Variants in MDFIC observed in about 807,000 individuals in gnomAD.
MDFIC encodes myoD family inhibitor domain-containing protein.
Under a neutral mutation model 23.2 loss-of-function variants are expected in MDFIC, and 17 were observed. The ratio of observed to expected loss-of-function variants is 0.73; its 90% confidence interval spans 0.50 to 1.10. The LOEUF is 1.10. Ranked by LOEUF, MDFIC falls within the 50% of genes least tolerant of loss-of-function variation. The pLI is 0.00. For synonymous variants in MDFIC, 120 were observed against 115.2 expected (o/e 1.04, Z -0.27); for missense variants, 356 against 316.6 (o/e 1.12, Z -0.95).
In MDFIC at chr7:114,941,573, AT is replaced by A. The variant is rs538343972; in HGVS notation, c.95-696del. 5.1e-3 allele frequency among the ~76,000 whole-genome samples: 780 copies of A among 152,166 alleles called. 9 individuals carry two copies. Among genetic ancestry groups the A allele is most frequent in the African/African-American group, 0.018 (759 of 41,504 alleles). On this transcript the variant is annotated intron_variant, in intron 2 of 4. Transcript: ENST00000393486. Reference sequence around the variant, plus strand: ...TCTTGATCTCTGAATCCTGATGAGTATTTTTTCTTCCTTTGAACCTTTTTAG... The same window carrying A: ...TCTTGATCTCTGAATCCTGATGAGTATTTTTCTTCCTTTGAACCTTTTTAG...
chr7:115,006,573 T>C (rs931948316), intron 4 of MDFIC, among the ~76,000 whole-genome samples: 1 of 152,274 alleles, frequency 6.6e-6, no homozygotes, highest in East Asian at 1.9e-4. Context: ...CAAGGACAAA[T>C]GAAAAGAGAT....
At chr7:114,935,352 T>C (rs868355764) in intron 2 of MDFIC, among the ~76,000 whole-genome samples, 4 of 152,070 alleles carry the variant, frequency 2.6e-5, no homozygotes, top group African/African-American at 7.2e-5. Context: ...CATGCAAAAG[T>C]CTCAAAATTT....
At chr7:114,943,676 C>T (rs1171709948) in intron 3 of MDFIC, among the ~76,000 whole-genome samples, 2 of 152,156 alleles carry the variant, frequency 1.3e-5, no homozygotes. Flanking sequence ...ATTGACTCTG[C>T]TATTGTGAAA....
At chr7:114,931,965 G>A (rs1363206485) in intron 2 of MDFIC, among the ~76,000 whole-genome samples, 1 of 152,156 alleles carries the variant, frequency 6.6e-6, no homozygotes, top group Non-Finnish European at 1.5e-5. Flanking sequence ...TCTTTTTCAA[G>A]GTGAATCCGC....
intron 4 of MDFIC, among the ~76,000 whole-genome samples, chr7:114,990,711 G>T (rs950559338): frequency 6.6e-6 from 1 of 152,146 alleles, no homozygotes; most frequent in Non-Finnish European, 1.5e-5. Context: ...GTATTCCATG[G>T]TGTATATGTG....
chr7:114,923,237 C>A, intron 2 of MDFIC, 110 bp downstream of exon 2: 1 of 1,391,568 alleles, frequency 7.2e-7, no homozygotes, highest in Non-Finnish European at 9.8e-7. Flanking sequence ...GGGGCTCCCA[C>A]TCGTAGTTGA....
rs1791808796 is a variant in MDFIC at position 115,016,915 on chromosome 7, A to G, written c.*980A>G. 6.6e-6 allele frequency: 1 copy of G among 152,352 alleles called. No homozygotes were observed. The highest frequency in any genetic ancestry group is 1.9e-4 in the East Asian group (1 of 5,174). The allele number at this position is 152,352 out of a possible 1,614,324, so 9.4% of individuals were successfully genotyped here. On this transcript the variant is annotated 3_prime_UTR_variant, in exon 5 of 5. Transcript: ENST00000393486. Reference sequence around the variant, plus strand: ...AGATCTGTAAAGAATGAACCATACCACAAGGCATACTGAAGTGAGGATTAT... The same window carrying G: ...AGATCTGTAAAGAATGAACCATACCGCAAGGCATACTGAAGTGAGGATTAT...
intron 3 of MDFIC, among the ~76,000 whole-genome samples, chr7:114,963,843 G>A (rs1793040601): frequency 6.6e-6 from 1 of 152,204 alleles, no homozygotes; most frequent in Non-Finnish European, 1.5e-5. Context: ...GCCTTCCAAA[G>A]TGCTGGGATT....
Position 115,015,967 on chromosome 7 carries a change from G to C in MDFIC, c.*32G>C, listed in dbSNP as rs534717224. The C allele has an allele frequency of 6.3e-7, 1 of 1,588,786 alleles. No homozygotes were observed. The highest frequency in any genetic ancestry group is 1.1e-5 in the South Asian group (1 of 87,768). ...ATCTTTTGTTTGTGTTAAAACTGGA[G>C]AGTGTTTAAAAATTTCCTTTTGGGG... is the stretch of plus-strand genomic sequence containing the variant. On this transcript the variant is annotated 3_prime_UTR_variant, in exon 5 of 5. Coordinates refer to ENST00000393486, the MANE Select transcript of MDFIC (RefSeq NM_001166345.3).
intron 4 of MDFIC, among the ~76,000 whole-genome samples, chr7:114,994,639 G>T (rs190614519): frequency 6.6e-6 from 1 of 152,102 alleles, no homozygotes; most frequent in African/African-American, 2.4e-5. Context: ...GAAATTCTGG[G>T]TTGAAAATTC....
At chr7:114,972,228 C>A (rs1480480118) in intron 3 of MDFIC, among the ~76,000 whole-genome samples, 1 of 152,122 alleles carries the variant, frequency 6.6e-6, no homozygotes, top group Non-Finnish European at 1.5e-5. Context: ...TTGTCTTGTT[C>A]AAAATCTACA....
At position 114,981,400 on chromosome 7, in the gene MDFIC, C is replaced by T. The variant is rs142592675; in HGVS notation, c.493+1619C>T. ...GGAATGCAGCTTCATAAGTAACATA[C>T]GAAGGAGGAAGAAAATCACCGGTAT... On this transcript the variant is annotated intron_variant, in intron 4 of 4. Transcript: ENST00000393486. Among the ~76,000 whole-genome samples the T allele has an allele frequency of 2.1e-3, 327 of 152,212 alleles. 1 individual carries two copies. The highest frequency in any genetic ancestry group is 7.0e-3 in the African/African-American group (289 of 41,544).
At chr7:115,013,347 C>T (rs887920649) in intron 4 of MDFIC, among the ~76,000 whole-genome samples, 14 of 151,346 alleles carry the variant, frequency 9.3e-5, no homozygotes, top group African/African-American at 3.2e-4. Flanking sequence ...AAGGCTGGAA[C>T]GAGACATTCT....
intron 2 of MDFIC, among the ~76,000 whole-genome samples, chr7:114,934,443 T>G (rs576015944): frequency 6.6e-6 from 1 of 152,238 alleles, no homozygotes; most frequent in African/African-American, 2.4e-5. Context: ...CCTTCGCATA[T>G]TTATACTCAA....
At chr7:114,964,771 G>A (rs1793065412) in intron 3 of MDFIC, among the ~76,000 whole-genome samples, 1 of 152,054 alleles carries the variant, frequency 6.6e-6, no homozygotes, top group Non-Finnish European at 1.5e-5. Context: ...GGCTGGTCTC[G>A]AACTCGTGAC....
chr7:114,996,178 G>C (rs1167074719), intron 4 of MDFIC, among the ~76,000 whole-genome samples: 1 of 152,126 alleles, frequency 6.6e-6, no homozygotes, highest in Non-Finnish European at 1.5e-5. Context: ...GCTGATAGTG[G>C]ACTACAGGTA....
At chr7:114,928,170 G>T (rs1377821988) in intron 2 of MDFIC, among the ~76,000 whole-genome samples, 1 of 152,142 alleles carries the variant, frequency 6.6e-6, no homozygotes, top group African/African-American at 2.4e-5. Flanking sequence ...TTTTCCCTTT[G>T]TTAAGAAAAA....
intron 2 of MDFIC, among the ~76,000 whole-genome samples, chr7:114,933,253 CTTT>C (rs34608476): frequency 7.4e-6 from 1 of 135,932 alleles, no homozygotes; most frequent in African/African-American, 2.7e-5. Context: ...GTGTTCCATT[CTTT>C]TTTTTTTTTT....
rs949186885 is a variant in MDFIC at position 115,019,087 on chromosome 7, A to C, written c.*3152A>C. Reference sequence around the variant, plus strand: ...GCTATATTTCCACTTAGAAAAACTAAGGTAATTTTACAATATATGCTGAGA... The same window carrying C: ...GCTATATTTCCACTTAGAAAAACTACGGTAATTTTACAATATATGCTGAGA... On this transcript the variant is annotated 3_prime_UTR_variant, in exon 5 of 5. Coordinates refer to ENST00000393486, the MANE Select transcript of MDFIC (RefSeq NM_001166345.3). 1.3e-5 allele frequency: 2 copies of C among 151,974 alleles called. No homozygotes were observed. Among genetic ancestry groups the C allele is most frequent in the Non-Finnish European group, 2.9e-5 (2 of 67,892 alleles). The allele number at this position is 151,974 out of a possible 1,614,324, so 9.4% of individuals were successfully genotyped here. A position where few individuals can be genotyped will look rare whatever the true frequency, so the allele number is the denominator to read the frequency against.
Sources: gnomAD v4.1 joint callset for allele counts (sites outside exome capture counted in the v4.1 genomes callset) on GRCh38, gnomAD v4.1.1 for gene constraint, MANE v1.5 for transcripts, NCBI Gene and HGNC (gene_info 2026-07-23, HGNC 2026-07-21) for gene names.